The following KMT2C variants were observed in gnomAD, a reference collection of about 807,000 sequenced individuals.
KMT2C encodes the protein lysine methyltransferase 2C.
Under a neutral mutation model 507.9 loss-of-function variants are expected in KMT2C, and 88 were observed. The ratio of observed to expected loss-of-function variants is 0.17; its 90% confidence interval spans 0.15 to 0.21. KMT2C has a LOEUF of 0.21. Among genes scored for constraint, KMT2C ranks in the 10% least tolerant of loss-of-function variants. The probability of loss-of-function intolerance (pLI) is 1.00; values close to 1 mark genes in which losing one functional copy is unlikely to be tolerated. For missense variants in KMT2C, 4,954 were observed against 5,957.8 expected (o/e 0.83, Z 5.55); for synonymous variants, 2,049 against 2,080.8 (o/e 0.98, Z 0.42).
At chr7:152,353,029 A>G (rs2097125816) in intron 2 of KMT2C, among the ~76,000 whole-genome samples, 1 of 152,210 alleles carries the variant, frequency 6.6e-6, no homozygotes, top group Non-Finnish European at 1.5e-5. Context: ...CAAGAAAAAA[A>G]AAGTTTCTCT....
intron 14 of KMT2C, among the ~76,000 whole-genome samples, chr7:152,246,532 A>G (rs1325290186): frequency 6.6e-6 from 1 of 152,140 alleles, no homozygotes; most frequent in Non-Finnish European, 1.5e-5. Context: ...TCTACAAGGA[A>G]GGAGAGATAA....
intron 43 of KMT2C, among the ~76,000 whole-genome samples, chr7:152,160,771 TA>T (rs756076385): frequency 1.3e-5 from 2 of 151,608 alleles, no homozygotes; most frequent in Non-Finnish European, 2.9e-5. Context: ...CCCATGCCAT[TA>T]AACATTCTTA....
At position 152,164,329 on chromosome 7, in the gene KMT2C, G is replaced by A. The variant is rs1361829998; in HGVS notation, c.9751-503C>T. Among the ~76,000 whole-genome samples, 9 of 145,118 alleles carry A rather than the reference G, an allele frequency of 6.2e-5. No individual in the cohort carries two copies. In the South Asian group the frequency reaches 1.1e-3, roughly 18 times the overall value. ...TTTTGAGACGGAGTCTCGCTCTGTC[G>A]CCCAGGCTGGAGTGCAGTGGCGCGA... On this transcript the variant is annotated intron_variant, in intron 42 of 58. Transcript: ENST00000262189.
Position 152,152,779 on chromosome 7 carries a change from G to A in KMT2C, c.12452C>T (p.Ser4151Phe), listed in dbSNP as rs532797666. Residue 4151 changes from serine to phenylalanine, a missense_variant, in exon 49 of 59, where the codon TCT (serine) becomes TTT (phenylalanine). Transcript: ENST00000262189. The part of the protein sequence containing the change: ...HLLLRGPPPG[S>F]ANPPRLVSSY... ...GCTCACTAATCTGGGAGGGTTTGCAGATCCTGGCGGAGGCCCACGGAGAAG... is the reference window on the plus strand; with the variant it reads ...GCTCACTAATCTGGGAGGGTTTGCAAATCCTGGCGGAGGCCCACGGAGAAG... The A allele has an allele frequency of 9.3e-6, 15 of 1,614,200 alleles. No individual in the cohort carries two copies. The African/African-American group carries it at 1.3e-4, about 14-fold the overall frequency.
At chr7:152,164,335 GC>G in intron 42 of KMT2C, among the ~76,000 whole-genome samples, 1 of 150,992 alleles carries the variant, frequency 6.6e-6, no homozygotes, top group Non-Finnish European at 1.5e-5. Context: ...TGTCGCCCAG[GC>G]TGGAGTGCAG....
chr7:152,196,831 G>C (rs1185089909), intron 27 of KMT2C, among the ~76,000 whole-genome samples: 3 of 152,172 alleles, frequency 2.0e-5, no homozygotes, highest in Non-Finnish European at 2.9e-5. Flanking sequence ...TCCAAACTAA[G>C]GCAAAGCAGA....
At chr7:152,347,896 G>A (rs2097075353) in intron 2 of KMT2C, among the ~76,000 whole-genome samples, 1 of 151,764 alleles carries the variant, frequency 6.6e-6, no homozygotes, top group East Asian at 1.9e-4. Context: ...TATATTTACT[G>A]AAAAAAATCC....
At chr7:152,315,032 A>G (rs962976957) in intron 4 of KMT2C, 106 bp downstream of exon 4, 2 of 927,878 alleles carry the variant, frequency 2.2e-6, no homozygotes, top group Middle Eastern at 6.5e-4. Context: ...AACAGGAGAA[A>G]CTGTTCAACA....
chr7:152,272,271 G>T (rs145199831), intron 7 of KMT2C, among the ~76,000 whole-genome samples: 4,645 of 152,144 alleles, frequency 0.031, 154 homozygotes, highest in Non-Finnish European at 0.037. Context: ...GTAACTGAAG[G>T]TATACACTGT....
chr7:152,371,409 C>T (rs6977645), intron 1 of KMT2C, among the ~76,000 whole-genome samples: 20,747 of 151,964 alleles, frequency 0.14, 3,707 homozygotes, highest in African/African-American at 0.41. Flanking sequence ...AAAGAACCAA[C>T]GCATATCACT....
At chr7:152,291,971 A>C (rs2096433735) in intron 6 of KMT2C, among the ~76,000 whole-genome samples, 1 of 152,204 alleles carries the variant, frequency 6.6e-6, no homozygotes, top group Non-Finnish European at 1.5e-5. Flanking sequence ...CTTTAATTAT[A>C]GCCTAATTTC....
intron 1 of KMT2C, among the ~76,000 whole-genome samples, chr7:152,378,403 T>C (rs2097345394): frequency 6.6e-6 from 1 of 152,264 alleles, no homozygotes; most frequent in African/African-American, 2.4e-5. Context: ...CAAAAAATCT[T>C]ACAATTTACT....
intron 43 of KMT2C, among the ~76,000 whole-genome samples, chr7:152,159,773 C>T (rs182304199): frequency 1.4e-4 from 21 of 152,278 alleles, no homozygotes; most frequent in Non-Finnish European, 2.6e-4. Flanking sequence ...CTATCAGTAC[C>T]TTAAAACACA....
At chr7:152,391,138 T>C (rs1194361188) in intron 1 of KMT2C, among the ~76,000 whole-genome samples, 7 of 10,410 alleles carry the variant, frequency 6.7e-4, no homozygotes, top group Non-Finnish European at 1.1e-3. Flanking sequence ...AGTGAGACTG[T>C]CTCCAAAAAA....
chr7:152,314,247 A>G (rs551511849), intron 4 of KMT2C, among the ~76,000 whole-genome samples: 68 of 152,300 alleles, frequency 4.5e-4, no homozygotes, highest in South Asian at 1.2e-3. Flanking sequence ...AAATAAGTAC[A>G]ACACAACAAT....
intron 1 of KMT2C, among the ~76,000 whole-genome samples, chr7:152,416,647 T>C (rs2097740105): frequency 2.1e-5 from 3 of 142,380 alleles, no homozygotes; most frequent in African/African-American, 5.3e-5. Flanking sequence ...CCGCTTGATC[T>C]CAGGAGGCGG....
intron 1 of KMT2C, among the ~76,000 whole-genome samples, chr7:152,426,006 A>T (rs2097813608): frequency 6.6e-6 from 1 of 152,172 alleles, no homozygotes; most frequent in Non-Finnish European, 1.5e-5. Context: ...AAGTTTGAGC[A>T]ATAAAAAACT....
chr7:152,230,565 C>A (rs1419588430), intron 16 of KMT2C, among the ~76,000 whole-genome samples: 1 of 151,846 alleles, frequency 6.6e-6, no homozygotes, highest in Non-Finnish European at 1.5e-5. Context: ...ATATAATAAA[C>A]CTGTCTTAGT....
intron 6 of KMT2C, among the ~76,000 whole-genome samples, chr7:152,279,798 C>G (rs1050268857): frequency 5.3e-5 from 8 of 152,156 alleles, no homozygotes; most frequent in African/African-American, 1.9e-4. Flanking sequence ...CTCCTCCCTG[C>G]TGCCACAGTA....
Sources: allele counts gnomAD v4.1 joint callset (sites outside exome capture counted in the v4.1 genomes callset), GRCh38; gene constraint gnomAD v4.1.1; transcripts MANE v1.5; gene names NCBI Gene and HGNC (gene_info 2026-07-23, HGNC 2026-07-21).